Variants in GADL1 observed in about 807,000 individuals in gnomAD.
GADL1 encodes the protein GAD like acidic amino acid decarboxylase 1.
Under a neutral mutation model 69.5 loss-of-function variants are expected in GADL1, and 71 were observed. That is an observed-to-expected ratio of 1.02 (90% CI 0.84 to 1.25). The LOEUF (loss-of-function observed/expected upper bound fraction) is 1.25. Among genes scored for constraint, GADL1 ranks in the 50% most tolerant of loss-of-function variants. The pLI, the probability that GADL1 is intolerant of heterozygous loss-of-function variation, is 0.00. For missense variants in GADL1, 737 were observed against 631.8 expected (o/e 1.17, Z -1.79); for synonymous variants, 254 against 214.4 (o/e 1.18, Z -1.62).
intron 14 of GADL1, among the ~76,000 whole-genome samples, chr3:30,734,573 T>A (rs1695513093): frequency 6.6e-6 from 1 of 152,122 alleles, no homozygotes; most frequent in Non-Finnish European, 1.5e-5. Flanking sequence ...CGTCCAAACA[T>A]ATGATAGTGC....
chr3:30,820,010 A>AC (rs1179615376), intron 11 of GADL1, among the ~76,000 whole-genome samples: 1 of 151,898 alleles, frequency 6.6e-6, no homozygotes, highest in Non-Finnish European at 1.5e-5. Context: ...TATTGAAATT[A>AC]TTTTTTTAAA....
chr3:30,856,241 T>G (rs1698228464), intron 3 of GADL1, among the ~76,000 whole-genome samples: 1 of 152,106 alleles, frequency 6.6e-6, no homozygotes, highest in Non-Finnish European at 1.5e-5. Context: ...ATTTACAAAG[T>G]AATGCCTGTA....
chr3:30,850,031 C>A lies in GADL1; in HGVS notation c.616G>T (p.Gly206Cys), dbSNP rs200806904. 7 of 1,609,376 alleles carry A rather than the reference C, an allele frequency of 4.3e-6. No homozygotes were observed. The highest frequency in any genetic ancestry group is 1.7e-5 in the Admixed American group (1 of 59,942). ...CPDIKEKGLS[G>C]SPRLILFTSA... ...GTGAAAAGGATTAATCTTGGCGAACCAGACAGCCCCTTTTCCTTAATATCA... is the reference window on the plus strand; with the variant it reads ...GTGAAAAGGATTAATCTTGGCGAACAAGACAGCCCCTTTTCCTTAATATCA... The change falls in exon 6 of 15, where the codon GGT becomes TGT. Residue 206 changes from glycine (G) to cysteine (C), a missense_variant. Physicochemically the swap from Gly to Cys is radical, Grantham distance 159. Coordinates refer to ENST00000282538, the MANE Select transcript of GADL1 (RefSeq NM_207359.3).
chr3:30,810,430 G>T (rs79264302), intron 11 of GADL1, among the ~76,000 whole-genome samples: 15,146 of 151,086 alleles, frequency 0.1, 1,809 homozygotes, highest in African/African-American at 0.28. Context: ...TATATATATA[G>T]AGAGAGAGAT....
chr3:30,813,378 G>GCAGA (rs3043048), intron 11 of GADL1, among the ~76,000 whole-genome samples: 81,567 of 151,602 alleles, frequency 0.54, 25,751 homozygotes, highest in African/African-American at 0.88. Context: ...TCCAAAATAG[G>GCAGA]CAGACATATA....
chr3:30,843,311 A>G (rs377754442), intron 8 of GADL1, among the ~76,000 whole-genome samples: 61 of 147,232 alleles, frequency 4.1e-4, no homozygotes, highest in African/African-American at 1.4e-3. Flanking sequence ...GCTGGAGTGC[A>G]GTGGTGCGAT....
intron 4 of GADL1, among the ~76,000 whole-genome samples, chr3:30,852,178 C>T (rs967084460): frequency 2.6e-5 from 4 of 152,110 alleles, no homozygotes; most frequent in Non-Finnish European, 2.9e-5. Context: ...TATTTATCAC[C>T]TACATATGTG....
intron 14 of GADL1, among the ~76,000 whole-genome samples, chr3:30,774,675 A>T (rs1042799378): frequency 1.3e-5 from 2 of 152,194 alleles, no homozygotes; most frequent in African/African-American, 4.8e-5. Flanking sequence ...TATTGTATAT[A>T]AAGTCTTATG....
At chr3:30,803,846 A>G (rs1697204898) in intron 11 of GADL1, among the ~76,000 whole-genome samples, 1 of 152,246 alleles carries the variant, frequency 6.6e-6, no homozygotes, top group African/African-American at 2.4e-5. Context: ...TGTCCAGAGA[A>G]AACATTTTAG....
chr3:30,797,655 T>C (rs1399819114), intron 12 of GADL1: 1 of 138,192 alleles, frequency 7.2e-6, no homozygotes, highest in East Asian at 2.5e-4. Flanking sequence ...TTGCGTTTTG[T>C]TTTGTTTTGT....
At position 30,834,279 on chromosome 3, in the gene GADL1, A is replaced by G. The variant is rs765356595; in HGVS notation, c.906T>C (p.Ala302=). ...ERHSLWLHVD[A]SWGGSALMSR... ...ACATCAAAGCTGAGCCACCCCAAGA[A>G]GCCTGTTGAGATATTTACAGTACCA... is the stretch of plus-strand genomic sequence containing the variant. Residue 302 remains alanine, a splice_region_variant and synonymous_variant, in exon 10 of 15, where the codon GCT becomes GCC. Coordinates refer to ENST00000282538, the MANE Select transcript of GADL1 (RefSeq NM_207359.3). 9 of 1,611,952 alleles carry G rather than the reference A, an allele frequency of 5.6e-6. No individual in the cohort carries two copies. The highest frequency in any genetic ancestry group is 7.6e-6 in the Non-Finnish European group (9 of 1,178,488).
intron 8 of GADL1, among the ~76,000 whole-genome samples, chr3:30,839,368 G>A (rs2125526296): frequency 6.6e-6 from 1 of 151,912 alleles, no homozygotes; most frequent in South Asian, 2.1e-4. Flanking sequence ...TTATTCTCAT[G>A]TTTTTTGTAA....
At chr3:30,816,543 T>C (rs1187269790) in intron 11 of GADL1, among the ~76,000 whole-genome samples, 143 of 61,380 alleles carry the variant, frequency 2.3e-3, no homozygotes, top group African/African-American at 1.0e-2. Context: ...TTTTTTTTTT[T>C]TTTTTTTTTT....
intron 1 of GADL1, among the ~76,000 whole-genome samples, chr3:30,865,926 A>G (rs537119072): frequency 1.5e-4 from 23 of 151,966 alleles, no homozygotes; most frequent in Non-Finnish European, 2.8e-4. Flanking sequence ...CCTCCCCTCC[A>G]TAGCTTCCAA....
chr3:30,759,383 G>T (rs1299155245), intron 14 of GADL1, among the ~76,000 whole-genome samples: 1 of 152,150 alleles, frequency 6.6e-6, no homozygotes, highest in Non-Finnish European at 1.5e-5. Context: ...ACTTGTTCCT[G>T]CTCATAATTC....
At chr3:30,826,320 T>A (rs952672525) in intron 11 of GADL1, among the ~76,000 whole-genome samples, 6 of 151,926 alleles carry the variant, frequency 3.9e-5, no homozygotes, top group Non-Finnish European at 8.8e-5. Flanking sequence ...CTGGTTATTT[T>A]TTAGCAAATC....
At chr3:30,760,201 C>G (rs1358518789) in intron 14 of GADL1, among the ~76,000 whole-genome samples, 2 of 152,102 alleles carry the variant, frequency 1.3e-5, no homozygotes, top group Non-Finnish European at 2.9e-5. Context: ...CTGTAGGACA[C>G]TTCCTTCCTG....
At chr3:30,876,063 A>G (rs1427927789) in intron 1 of GADL1, among the ~76,000 whole-genome samples, 1 of 151,986 alleles carries the variant, frequency 6.6e-6, no homozygotes, top group African/African-American at 2.4e-5. Context: ...AGTTCCTGCT[A>G]CAATTGTGTG....
chr3:30,741,879 C>T (rs189571733), intron 14 of GADL1, among the ~76,000 whole-genome samples: 27 of 152,252 alleles, frequency 1.8e-4, no homozygotes, highest in Non-Finnish European at 3.1e-4. Flanking sequence ...CCTGTGTGGC[C>T]TCCAAGGCAA....
Sources: gnomAD v4.1 joint callset for allele counts (sites outside exome capture counted in the v4.1 genomes callset) on GRCh38, gnomAD v4.1.1 for gene constraint, MANE v1.5 for transcripts, NCBI Gene and HGNC (gene_info 2026-07-23, HGNC 2026-07-21) for gene names.